Variants in NPAS3 observed in about 807,000 individuals in gnomAD.
NPAS3 encodes neuronal PAS domain protein 3.
NPAS3 carries 14 observed loss-of-function variants against 73.1 expected under a neutral mutation model. The observed-to-expected ratio is 0.19, with a 90% CI of 0.13 to 0.30. NPAS3 has a LOEUF of 0.30. Among genes scored for constraint, NPAS3 ranks in the 10% least tolerant of loss-of-function variants. NPAS3 has a pLI of 1.00. For missense variants in NPAS3, 1,096 were observed against 1,250.0 expected (o/e 0.88, Z 1.86); for synonymous variants, 620 against 541.5 (o/e 1.14, Z -2.01).
intron 5 of NPAS3, among the ~76,000 whole-genome samples, chr14:33,661,438 T>A (rs574021414): frequency 1.3e-4 from 20 of 152,320 alleles, no homozygotes; most frequent in African/African-American, 1.9e-4. Flanking sequence ...ATGCAAAAGC[T>A]TCACAAGAAA....
At position 33,315,706 on chromosome 14, in the gene NPAS3, C is replaced by T. The variant is rs373884116; in HGVS notation, c.386-51480C>T. Among the ~76,000 whole-genome samples the T allele has an allele frequency of 4.0e-5, 6 of 151,796 alleles. 1 individual carries two copies. In the East Asian group the frequency reaches 9.7e-4, roughly 24 times the overall value. ...GTTGAGGATGGAGAGAGTTCATCTT[C>T]AGGGGAATGGATGTTAGAGGAAGAT... is the stretch of plus-strand genomic sequence containing the variant. On this transcript the variant is annotated intron_variant, in intron 3 of 11. Transcript: ENST00000356141.
chr14:33,618,587 C>A (rs2057991336), intron 5 of NPAS3, among the ~76,000 whole-genome samples: 1 of 152,208 alleles, frequency 6.6e-6, no homozygotes, highest in Admixed American at 6.5e-5. Flanking sequence ...GGCTCACCTG[C>A]TGCTCACTTC....
At chr14:33,428,163 C>T (rs2048632137) in intron 4 of NPAS3, among the ~76,000 whole-genome samples, 1 of 152,030 alleles carries the variant, frequency 6.6e-6, no homozygotes, top group South Asian at 2.1e-4. Flanking sequence ...GAGAACTGAT[C>T]TAGTGCATGG....
chr14:33,664,290 C>A (rs549357562), intron 5 of NPAS3, among the ~76,000 whole-genome samples: 1 of 152,198 alleles, frequency 6.6e-6, no homozygotes, highest in Non-Finnish European at 1.5e-5. Flanking sequence ...ATTTAACAAA[C>A]GGTGTTGAGA....
At chr14:33,797,628 C>G (rs781161836) in intron 11 of NPAS3, 47 bp downstream of exon 11, 1 of 1,602,334 alleles carries the variant, frequency 6.2e-7, no homozygotes, top group Admixed American at 1.7e-5. Context: ...TTGCCCACCA[C>G]GCGCAGGGGG....
At chr14:33,095,180 T>G (rs1213334155) in intron 2 of NPAS3, among the ~76,000 whole-genome samples, 2 of 152,222 alleles carry the variant, frequency 1.3e-5, no homozygotes, top group African/African-American at 4.8e-5. Context: ...TTGGAGGCTG[T>G]GCGGTGTGTT....
At chr14:33,113,604 C>A (rs923779763) in intron 2 of NPAS3, among the ~76,000 whole-genome samples, 3 of 152,150 alleles carry the variant, frequency 2.0e-5, no homozygotes, top group Admixed American at 6.6e-5. Flanking sequence ...ACAATCATGT[C>A]ATCTGCAAAC....
intron 7 of NPAS3, among the ~76,000 whole-genome samples, chr14:33,769,471 T>C (rs2062571305): frequency 6.6e-6 from 1 of 152,220 alleles, no homozygotes; most frequent in Non-Finnish European, 1.5e-5. Flanking sequence ...TCTCCTCAGG[T>C]CCCATTGCCA....
intron 5 of NPAS3, among the ~76,000 whole-genome samples, chr14:33,578,908 G>A (rs919216769): frequency 1.3e-5 from 2 of 152,200 alleles, no homozygotes; most frequent in Non-Finnish European, 2.9e-5. Context: ...GAATTCAAAT[G>A]TTATCAGCAT....
intron 6 of NPAS3, among the ~76,000 whole-genome samples, chr14:33,685,717 T>C (rs1420189080): frequency 6.6e-6 from 1 of 152,258 alleles, no homozygotes; most frequent in African/African-American, 2.4e-5. Flanking sequence ...TTGCAAATAT[T>C]CTGATAACAT....
chr14:33,750,321 G>A (rs1267209075), intron 7 of NPAS3, among the ~76,000 whole-genome samples: 1 of 151,778 alleles, frequency 6.6e-6, no homozygotes, highest in Non-Finnish European at 1.5e-5. Flanking sequence ...CATCAAAAAT[G>A]AGGTGATATT....
chr14:33,426,176 G>A (rs1361663410), intron 4 of NPAS3, among the ~76,000 whole-genome samples: 2 of 152,076 alleles, frequency 1.3e-5, no homozygotes, highest in African/African-American at 2.4e-5. Flanking sequence ...TGAGAAAGGA[G>A]ATGAGAGTGC....
intron 6 of NPAS3, among the ~76,000 whole-genome samples, chr14:33,705,981 T>A (rs1278873723): frequency 6.6e-6 from 1 of 152,200 alleles, no homozygotes; most frequent in African/African-American, 2.4e-5. Context: ...TCTCTAAGGA[T>A]ACAGTGATGT....
intron 4 of NPAS3, among the ~76,000 whole-genome samples, chr14:33,422,547 A>G (rs1323490636): frequency 6.6e-6 from 1 of 151,928 alleles, no homozygotes; most frequent in Admixed American, 6.6e-5. Flanking sequence ...TACTAGAAAT[A>G]TGTGTGTATG....
chr14:33,439,665 G>C (rs1466013593), intron 4 of NPAS3, among the ~76,000 whole-genome samples: 1 of 152,182 alleles, frequency 6.6e-6, no homozygotes, highest in Non-Finnish European at 1.5e-5. Context: ...TTCAAAAAAT[G>C]TAAAACCTGC....
intron 5 of NPAS3, among the ~76,000 whole-genome samples, chr14:33,613,433 C>G (rs1329725041): frequency 6.6e-6 from 1 of 152,112 alleles, no homozygotes; most frequent in Non-Finnish European, 1.5e-5. Context: ...ACCCTTCCAG[C>G]CTAATATTCC....
At chr14:33,786,596 A>G (rs2063182010) in intron 9 of NPAS3, among the ~76,000 whole-genome samples, 1 of 152,272 alleles carries the variant, frequency 6.6e-6, no homozygotes, top group African/African-American at 2.4e-5. Context: ...AGCCCAAGTC[A>G]GACGCCCTTT....
exon 12 of NPAS3, chr14:33,801,057 T>C (rs2063701895): frequency 3.8e-6 from 6 of 1,595,012 alleles, no homozygotes; most frequent in East Asian, 2.3e-5. Context: ...CCCTTCCCCG[T>C]CTACAGCAAC....
chr14:33,405,946 G>T (rs76219630), intron 4 of NPAS3, among the ~76,000 whole-genome samples: 1,832 of 152,112 alleles, frequency 0.012, 37 homozygotes, highest in African/African-American at 0.041. Flanking sequence ...ATTAGCTTAT[G>T]CCCTGAGGGG....
Sources: allele counts gnomAD v4.1 joint callset (sites outside exome capture counted in the v4.1 genomes callset), GRCh38; gene constraint gnomAD v4.1.1; transcripts MANE v1.5; gene names NCBI Gene and HGNC (gene_info 2026-07-23, HGNC 2026-07-21).